The following SEC61A2 variants were observed in gnomAD, a reference collection of about 807,000 sequenced individuals.
The protein encoded by SEC61A2 is protein transport protein Sec61 subunit alpha isoform 2.
SEC61A2 carries 28 observed loss-of-function variants against 59.9 expected under a neutral mutation model. The ratio of observed to expected loss-of-function variants is 0.47; its 90% CI spans 0.35 to 0.64. SEC61A2 has a LOEUF of 0.64. SEC61A2 is among the 30% of genes least tolerant of loss of function. The pLI is 0.01. For synonymous variants in SEC61A2, 202 were observed against 214.4 expected, an observed-to-expected ratio of 0.94 and a Z score of 0.50; for missense variants, 340 against 585.9, an observed-to-expected ratio of 0.58 and a Z score of 4.33.
At position 12,142,179 on chromosome 10, in the gene SEC61A2, C is replaced by G. The variant is rs916612131; in HGVS notation, c.142-938C>G. ...GCAGGATTTATGGCGAGTACATGTT[C>G]TTACACTAAGGACTGTAAATAAAGC... On this transcript the variant is annotated intron_variant, in intron 3 of 11. Coordinates refer to ENST00000298428, the MANE Select transcript of SEC61A2 (RefSeq NM_018144.4). The surrounding 1 kb of genome is among the most constrained non-coding windows in gnomAD (Gnocchi z 5.4). Among the ~76,000 whole-genome samples, 3 of 152,140 alleles carry G rather than the reference C, an allele frequency of 2.0e-5. No individual in the cohort carries two copies. Among genetic ancestry groups the G allele is most frequent in the African/African-American group, 7.2e-5 (3 of 41,424 alleles).
intron 1 of SEC61A2, among the ~76,000 whole-genome samples, chr10:12,131,200 GC>G (rs1463638682): frequency 6.6e-6 from 1 of 152,122 alleles, no homozygotes; most frequent in African/African-American, 2.4e-5. Flanking sequence ...ATCGGTGACT[GC>G]CCATCATTTG....
In SEC61A2 at chr10:12,153,861, A is replaced by G. The variant is rs1564413969; in HGVS notation, c.463-1917A>G. The stretch of plus-strand genomic sequence containing the variant: ...CGTTGTGGAAGGTATTTCTCACCTT[A>G]TTTGTTTATGTTTCATTCACGTGGT... On this transcript the variant is annotated intron_variant, in intron 6 of 11. Transcript: ENST00000298428. The surrounding 1 kb of genome is among the most constrained non-coding windows in gnomAD (Gnocchi z 5.2). 4.6e-6 allele frequency: 7 copies of G among 1,505,798 alleles called. No individual in the cohort carries two copies. The highest frequency in any genetic ancestry group is 1.4e-5 in the African/African-American group (1 of 72,218). 93.3% of individuals were successfully genotyped at this position (1,505,798 alleles called of 1,614,324 possible). A position where few individuals can be genotyped will look rare whatever the true frequency, so the allele number is the denominator to read the frequency against.
At chr10:12,139,716 A>G (rs1316119861) in intron 3 of SEC61A2, among the ~76,000 whole-genome samples, 2 of 152,064 alleles carry the variant, frequency 1.3e-5, no homozygotes, top group Non-Finnish European at 2.9e-5. Flanking sequence ...CCCAGGATGC[A>G]GAGCTTGCAG....
At chr10:12,132,258 G>A (rs189364267) in intron 1 of SEC61A2, among the ~76,000 whole-genome samples, 2 of 151,144 alleles carry the variant, frequency 1.3e-5, no homozygotes, top group East Asian at 2.0e-4. Flanking sequence ...CCGAGATGGC[G>A]GCACTGCACT....
chr10:12,152,838 AC>A lies in SEC61A2; in HGVS notation c.462+2879del, dbSNP rs200499609. 5.0e-3 allele frequency among the ~76,000 whole-genome samples: 761 copies of A among 152,150 alleles called. 8 individuals carry two copies. Among genetic ancestry groups the A allele is most frequent in the African/African-American group, 0.017 (709 of 41,536 alleles). Reference sequence around the variant, plus strand: ...GGAGGTTGCAGTGAGCTGAGATTGCACCACTGCACTCCAGCCTGGCGACAGA... The same window carrying A: ...GGAGGTTGCAGTGAGCTGAGATTGCACACTGCACTCCAGCCTGGCGACAGA... On this transcript the variant is annotated intron_variant, in intron 6 of 11. Transcript: ENST00000298428. The surrounding 1 kb of genome is among the most constrained non-coding windows in gnomAD (Gnocchi z 5.5).
intron 3 of SEC61A2, among the ~76,000 whole-genome samples, chr10:12,136,969 T>C (rs772254334): frequency 1.3e-5 from 2 of 152,210 alleles, no homozygotes; most frequent in Non-Finnish European, 2.9e-5. Flanking sequence ...TTTTGCTGTG[T>C]TGTTCAGGCT....
chr10:12,165,453 T>C (rs1275074162), downstream of SEC61A2: 15 of 773,406 alleles, frequency 1.9e-5, no homozygotes, highest in Non-Finnish European at 2.4e-5. Context: ...TCATAAGAAG[T>C]CCACCCTGAG....
At chr10:12,148,907 C>T (rs557449310) in intron 4 of SEC61A2, among the ~76,000 whole-genome samples, 2 of 152,254 alleles carry the variant, frequency 1.3e-5, no homozygotes, top group South Asian at 4.2e-4. Flanking sequence ...CATCAAAAAT[C>T]CCCCGTAAGG....
downstream of SEC61A2, chr10:12,169,182 C>T: frequency 1.1e-6 from 1 of 910,110 alleles, no homozygotes; most frequent in South Asian, 1.7e-5. The surrounding 1 kb of genome is among the most constrained non-coding windows in gnomAD (Gnocchi z 4.8). Context: ...GTTCTTTTAC[C>T]CCTCCTCCTT....
At chr10:12,168,377 G>A (rs183262569), downstream of SEC61A2, among the ~76,000 whole-genome samples, 721 of 152,268 alleles carry the variant, frequency 4.7e-3, 3 homozygotes, top group Non-Finnish European at 8.0e-3. The surrounding 1 kb of genome is among the most constrained non-coding windows in gnomAD (Gnocchi z 4.8). Flanking sequence ...AGAGCCAATC[G>A]CTATACCTCA....
Position 12,161,310 on chromosome 10 carries a change from T to C in SEC61A2, c.1167+189T>C, listed in dbSNP as rs1834522231. On this transcript the variant is annotated intron_variant, in intron 10 of 11. Coordinates refer to ENST00000298428, the MANE Select transcript of SEC61A2 (RefSeq NM_018144.4). The surrounding 1 kb of genome is among the most constrained non-coding windows in gnomAD (Gnocchi z 5.4). ...ACAAATAAAAATCGGCCGGGCACGGTGGTGCAAGCCCGTGGTCCCAGCTAC... is the reference window on the plus strand; with the variant it reads ...ACAAATAAAAATCGGCCGGGCACGGCGGTGCAAGCCCGTGGTCCCAGCTAC... Among the ~76,000 whole-genome samples, 1 of 152,008 alleles carries C rather than the reference T, an allele frequency of 6.6e-6. No homozygotes were observed. Among genetic ancestry groups the C allele is most frequent in the Non-Finnish European group, 1.5e-5 (1 of 68,010 alleles).
chr10:12,151,890 A>T (rs1375198848), intron 6 of SEC61A2, among the ~76,000 whole-genome samples: 14 of 151,226 alleles, frequency 9.3e-5, no homozygotes, highest in Admixed American at 9.2e-4. Flanking sequence ...CTCCTGCCTC[A>T]GCCTCCCAAA....
intron 2 of SEC61A2, among the ~76,000 whole-genome samples, chr10:12,135,761 G>A (rs1056828517): frequency 2.0e-5 from 3 of 152,118 alleles, no homozygotes; most frequent in Admixed American, 6.6e-5. Flanking sequence ...ACCTCCTCCA[G>A]TTCGTTCCAT....
Position 12,161,049 on chromosome 10 carries a change from C to A in SEC61A2, c.1095C>A (p.Ile365=), listed in dbSNP as rs1376047576. 6.2e-7 allele frequency: 1 copy of A among 1,613,986 alleles called. No homozygotes were observed. The highest frequency in any genetic ancestry group is 8.5e-7 in the Non-Finnish European group (1 of 1,179,944). Reference sequence around the variant, plus strand: ...ATCCTGTCCATGTCGTTGTTTATATCATCTTCATGTTGGGGTCATGTGCAT... The same window carrying A: ...ATCCTGTCCATGTCGTTGTTTATATAATCTTCATGTTGGGGTCATGTGCAT... ...FEDPVHVVVY[I]IFMLGSCAFF... is the part of the protein sequence containing the mutation. Residue 365 remains isoleucine, a synonymous_variant, in exon 10 of 12, where the codon ATC becomes ATA. Transcript: ENST00000298428. This position sits in a 1 kb window ranked among gnomAD's most constrained non-coding sequence, Gnocchi z 5.4.
In SEC61A2 at chr10:12,149,201, T is replaced by C. The variant is rs1834221411; in HGVS notation, c.221-394T>C. ...GCCTTCCAGGTTTAAGCGATTCTCCTGCCTCAGACTCCTGAGTAGCTGGGA... is the reference window on the plus strand; with the variant it reads ...GCCTTCCAGGTTTAAGCGATTCTCCCGCCTCAGACTCCTGAGTAGCTGGGA... On this transcript the variant is annotated intron_variant, in intron 4 of 11. Transcript: ENST00000298428. This position sits in a 1 kb window ranked among gnomAD's most constrained non-coding sequence, Gnocchi z 5.2. Among the ~76,000 whole-genome samples, 1 of 152,052 alleles carries C rather than the reference T, an allele frequency of 6.6e-6. No homozygotes were observed. Among genetic ancestry groups the C allele is most frequent in the Admixed American group, 6.6e-5 (1 of 15,256 alleles).
chr10:12,141,956 A>G (rs1366672634), intron 3 of SEC61A2, among the ~76,000 whole-genome samples: 1 of 152,224 alleles, frequency 6.6e-6, no homozygotes, highest in Non-Finnish European at 1.5e-5. Context: ...TTTTACAGAC[A>G]GAAGCATAGT....
Position 12,149,341 on chromosome 10 carries a change from G to A in SEC61A2, c.221-254G>A, listed in dbSNP as rs902557336. 1.3e-5 allele frequency among the ~76,000 whole-genome samples: 2 copies of A among 152,076 alleles called. No individual in the cohort carries two copies. Among genetic ancestry groups the A allele is most frequent in the African/African-American group, 2.4e-5 (1 of 41,400 alleles). On this transcript the variant is annotated intron_variant, in intron 4 of 11. Coordinates refer to ENST00000298428, the MANE Select transcript of SEC61A2 (RefSeq NM_018144.4). The surrounding 1 kb of genome is among the most constrained non-coding windows in gnomAD (Gnocchi z 5.2). ...TGACCTCAGGTGATCCACACACCTC[G>A]GCCTCCCAAAGTGTGGGGACTGCAG... is the stretch of plus-strand genomic sequence containing the variant.
rs1275903262 is a variant in SEC61A2, at chr10:12,165,326, A to T, written c.*872A>T. Reference sequence around the variant, plus strand: ...TTGTTGTACTCACAGCAGCAACATGAGTGTAAACAGTAGACAATAAACTTT... The same window carrying T: ...TTGTTGTACTCACAGCAGCAACATGTGTGTAAACAGTAGACAATAAACTTT... On this transcript the variant is annotated 3_prime_UTR_variant, in exon 12 of 12. Coordinates refer to ENST00000298428, the MANE Select transcript of SEC61A2 (RefSeq NM_018144.4). The T allele has an allele frequency of 1.0e-6, 1 of 983,514 alleles. No homozygotes were observed. The highest frequency in any genetic ancestry group is 1.1e-4 in the East Asian group (1 of 8,822). 60.9% of individuals were successfully genotyped at this position (983,514 alleles called of 1,614,324 possible). A position where few individuals can be genotyped will look rare whatever the true frequency, so the allele number is the denominator to read the frequency against.
rs76282519 is a variant in SEC61A2, at chr10:12,157,882, C to G, written c.778-26C>G. 5.1e-4 allele frequency: 820 copies of G among 1,607,444 alleles called. 5 individuals carry two copies. The African/African-American group carries it at 9.6e-3, about 19-fold the overall frequency. On this transcript the variant is annotated intron_variant, in intron 8 of 11. Coordinates refer to ENST00000298428, the MANE Select transcript of SEC61A2 (RefSeq NM_018144.4). ...CTTTTCTTAATGTGTCTGGCTCCCC[C>G]ACTTACTCTCCGTTTCCTTTTTTAG...
Sources: allele counts gnomAD v4.1 joint callset (sites outside exome capture counted in the v4.1 genomes callset), GRCh38; gene constraint gnomAD v4.1.1; non-coding constraint Gnocchi (gnomAD v3.1); transcripts MANE v1.5; gene names NCBI Gene and HGNC (gene_info 2026-07-23, HGNC 2026-07-21).